MORC2: variants seen among roughly 807,000 people sequenced by gnomAD.
MORC2 encodes ATPase MORC2.
A neutral mutation model predicts 136.0 loss-of-function variants in MORC2; 30 were observed. The observed-to-expected ratio is 0.22, with a 90% confidence interval of 0.17 to 0.30. MORC2 has a LOEUF of 0.30. Among genes scored for constraint, MORC2 ranks in the 10% least tolerant of loss-of-function variants. MORC2 has a pLI of 1.00. For missense variants in MORC2, 922 were observed against 1,333.1 expected (o/e 0.69, Z 4.80); for synonymous variants, 439 against 487.0 (o/e 0.90, Z 1.30).
intron 6 of MORC2, 106 bp from the exon 7 acceptor site, chr22:30,942,377 G>A: frequency 1.5e-6 from 2 of 1,295,806 alleles, no homozygotes; most frequent in Admixed American, 2.1e-5. Context: ...ACACTGCCCT[G>A]TAGGTGAGGC....
intron 1 of MORC2, among the ~76,000 whole-genome samples, chr22:30,966,225 T>C (rs1423022094): frequency 1.3e-5 from 2 of 152,212 alleles, no homozygotes; most frequent in African/African-American, 4.8e-5. Context: ...TCCAAGATTA[T>C]CATAAAATCT....
intron 6 of MORC2, among the ~76,000 whole-genome samples, chr22:30,942,630 A>G (rs2040757633): frequency 1.3e-5 from 2 of 152,214 alleles, no homozygotes; most frequent in Admixed American, 1.3e-4. Flanking sequence ...TACACATAAC[A>G]TAACCTAAAA....
Position 30,928,050 on chromosome 22 carries a change from T to C in MORC2, c.2999A>G (p.Asn1000Ser). 6.2e-7 allele frequency: 1 copy of C among 1,613,844 alleles called. No individual in the cohort carries two copies. The highest frequency in any genetic ancestry group is 8.5e-7 in the Non-Finnish European group (1 of 1,180,008). ...CACCTTTTGCAGGAGTGCCACGATG[T>C]TGGTCCTCAGCTTCTGCAGCTTCTC... ...TEEKLQKLRT[N>S]IVALLQKVQE... Residue 1000 changes from asparagine (N) to serine (S), a missense_variant, in exon 25 of 26, where the codon AAC becomes AGC. By Grantham distance (46) the Asn-to-Ser change is conservative. This residue lies in a region of MORC2 where 263 missense variants were observed against 388.3 expected (regional missense o/e 0.68). Coordinates refer to ENST00000397641, the MANE Select transcript of MORC2 (RefSeq NM_001303256.3).
intron 17 of MORC2, among the ~76,000 whole-genome samples, chr22:30,935,759 T>C (rs1321026945): frequency 1.3e-5 from 2 of 151,834 alleles, no homozygotes; most frequent in East Asian, 3.9e-4. Context: ...GATAAACAGA[T>C]GATATCACAG....
At chr22:30,933,159 A>G (rs2040601232) in intron 21 of MORC2, 129 bp from the exon 22 acceptor site, 2 of 1,332,144 alleles carry the variant, frequency 1.5e-6, no homozygotes, top group South Asian at 1.3e-5. Context: ...CCCCCACTAC[A>G]CCAGGGACAC....
intron 2 of MORC2, among the ~76,000 whole-genome samples, chr22:30,957,635 C>A (rs1252555844): frequency 1.3e-5 from 2 of 152,152 alleles, no homozygotes; most frequent in African/African-American, 4.8e-5. Context: ...AAGCAGCCTG[C>A]CACCGCACAT....
chr22:30,963,358 G>T, intron 1 of MORC2: 2 of 964,478 alleles, frequency 2.1e-6, no homozygotes, highest in African/African-American at 1.8e-5. Flanking sequence ...AAGATTTTTT[G>T]AAAATTCGTT....
chr22:30,946,092 T>C (rs569743074), intron 6 of MORC2, among the ~76,000 whole-genome samples: 24 of 152,188 alleles, frequency 1.6e-4, no homozygotes, highest in Non-Finnish European at 2.6e-4. Flanking sequence ...TTCCTGCCAC[T>C]TGACAGTCTC....
chr22:30,936,428 G>T, intron 17 of MORC2, 83 bp downstream of exon 17: 2 of 1,556,436 alleles, frequency 1.3e-6, no homozygotes, highest in South Asian at 2.4e-5. Flanking sequence ...GAGCCTGAGG[G>T]AACAGGAAAG....
chr22:30,967,066 C>T (rs1306188407), intron 1 of MORC2: 1 of 978,976 alleles, frequency 1.0e-6, no homozygotes, highest in East Asian at 1.1e-4. Context: ...GAACACTTAC[C>T]TTCATCTCAA....
intron 16 of MORC2, 59 bp downstream of exon 16, chr22:30,936,873 C>T: frequency 6.7e-7 from 1 of 1,503,032 alleles, no homozygotes. Context: ...CCTCAAGAAA[C>T]ACAGTGAGGG....
intron 1 of MORC2, among the ~76,000 whole-genome samples, chr22:30,966,619 A>AG (rs2041132237): frequency 1.3e-5 from 2 of 152,116 alleles, no homozygotes; most frequent in East Asian, 3.9e-4. Context: ...TCTCTAAAAA[A>AG]ATACAAAAAT....
At chr22:30,936,254 C>T (rs2040650194) in intron 17 of MORC2, among the ~76,000 whole-genome samples, 1 of 152,176 alleles carries the variant, frequency 6.6e-6, no homozygotes, top group Admixed American at 6.5e-5. Context: ...GAGTTTTATA[C>T]ATTCTAAATG....
At chr22:30,951,734 T>C (rs1416561346) in intron 3 of MORC2, among the ~76,000 whole-genome samples, 1 of 152,230 alleles carries the variant, frequency 6.6e-6, no homozygotes, top group Non-Finnish European at 1.5e-5. Flanking sequence ...TCTTTGTCCT[T>C]TCTTCAGGCT....
chr22:30,927,594 G>A (rs2040506591), intron 25 of MORC2, among the ~76,000 whole-genome samples: 3 of 152,166 alleles, frequency 2.0e-5, no homozygotes, highest in African/African-American at 7.2e-5. Flanking sequence ...GGCTGTGAGA[G>A]CAGGAACCTT....
chr22:30,931,303 T>C (rs897725854), intron 24 of MORC2, among the ~76,000 whole-genome samples: 1 of 152,244 alleles, frequency 6.6e-6, no homozygotes, highest in African/African-American at 2.4e-5. Context: ...TTCCTTTACA[T>C]ACTGTCTGTG....
At chr22:30,930,927 G>A (rs1045045181) in intron 24 of MORC2, among the ~76,000 whole-genome samples, 2 of 152,098 alleles carry the variant, frequency 1.3e-5, no homozygotes, top group South Asian at 2.1e-4. Flanking sequence ...ACCTCCACTC[G>A]TCACCTTCAT....
intron 21 of MORC2, 50 bp downstream of exon 21, chr22:30,933,416 C>T (rs891406289): frequency 1.3e-6 from 2 of 1,598,600 alleles, no homozygotes; most frequent in African/African-American, 1.3e-5. Flanking sequence ...TCCACTTCCA[C>T]TCCCACTCCC....
chr22:30,942,184 T>A lies in MORC2; in HGVS notation c.514A>T (p.Ile172Phe). Residue 172 changes from isoleucine to phenylalanine, a missense_variant, in exon 7 of 26, where the codon ATC (isoleucine) becomes TTC (phenylalanine). Physicochemically the swap from Ile to Phe is conservative, Grantham distance 21. Coordinates refer to ENST00000397641, the MANE Select transcript of MORC2 (RefSeq NM_001303256.3). ...GTGCGGAATGGAGAGTACTTATAGATGAGTTCTGTCTCAATGGCAAATTTC... is the reference window on the plus strand; with the variant it reads ...GTGCGGAATGGAGAGTACTTATAGAAGAGTTCTGTCTCAATGGCAAATTTC... ...VEKFAIETELIYKYSPFRTEE... is the reference protein window; with the variant it reads ...VEKFAIETELFYKYSPFRTEE... 6.2e-7 allele frequency: 1 copy of A among 1,613,948 alleles called. No individual in the cohort carries two copies.
Sources: gnomAD v4.1 joint callset for allele counts (sites outside exome capture counted in the v4.1 genomes callset) on GRCh38, gnomAD v4.1.1 for gene constraint, gnomAD v4.1.1 regional missense constraint, MANE v1.5 for transcripts, NCBI Gene and HGNC (gene_info 2026-07-23, HGNC 2026-07-21) for gene names.